Variants in NRXN1 observed in about 807,000 individuals in gnomAD.
NRXN1 encodes neurexin 1, also known as neurexin-1.
A neutral mutation model predicts 150.9 loss-of-function variants in NRXN1; 39 were observed. The observed-to-expected ratio is 0.26, with a 90% CI of 0.20 to 0.34. The LOEUF is 0.34. NRXN1 is among the 10% of genes least tolerant of loss of function. The pLI is 1.00. For missense variants in NRXN1, 1,815 were observed against 1,949.9 expected, an observed-to-expected ratio of 0.93 and a Z score of 1.30; for synonymous variants, 924 against 757.0, an observed-to-expected ratio of 1.22 and a Z score of -3.62.
At chr2:50,280,646 A>G (rs540786982) in intron 17 of NRXN1, among the ~76,000 whole-genome samples, 1 of 152,306 alleles carries the variant, frequency 6.6e-6, no homozygotes, top group South Asian at 2.1e-4. Context: ...ATGGCACATC[A>G]TAGGTAGTTA....
intron 17 of NRXN1, among the ~76,000 whole-genome samples, chr2:50,449,247 AAAAGT>A (rs1176162990): frequency 1.3e-5 from 2 of 152,240 alleles, no homozygotes; most frequent in Admixed American, 1.3e-4. Context: ...ACCAAAAAGT[AAAAGT>A]AATGTAAAAA....
At chr2:50,180,309 G>A (rs1338567143) in intron 18 of NRXN1, among the ~76,000 whole-genome samples, 1 of 152,140 alleles carries the variant, frequency 6.6e-6, no homozygotes, top group Non-Finnish European at 1.5e-5. Flanking sequence ...ACAGGGGTGA[G>A]CCACTGTGCC....
chr2:50,166,433 C>A (rs908618828), intron 18 of NRXN1, among the ~76,000 whole-genome samples: 5 of 151,902 alleles, frequency 3.3e-5, no homozygotes, highest in African/African-American at 1.2e-4. Flanking sequence ...GAACTGAATA[C>A]TGGTAACATT....
At chr2:50,594,879 T>A (rs573614044) in intron 8 of NRXN1, among the ~76,000 whole-genome samples, 2 of 152,174 alleles carry the variant, frequency 1.3e-5, no homozygotes, top group African/African-American at 4.8e-5. Context: ...TCAGGGCTAA[T>A]CACTCCACGA....
chr2:50,378,868 C>G (rs2080723973), intron 17 of NRXN1, among the ~76,000 whole-genome samples: 1 of 152,136 alleles, frequency 6.6e-6, no homozygotes, highest in African/African-American at 2.4e-5. Context: ...ATAAAGCAAT[C>G]TGACTTCACA....
intron 5 of NRXN1, among the ~76,000 whole-genome samples, chr2:50,628,410 C>T (rs1681578078): frequency 6.6e-6 from 1 of 151,650 alleles, no homozygotes; most frequent in African/African-American, 2.4e-5. Flanking sequence ...TATGCAATTA[C>T]CTTAAAATGC....
chr2:50,914,384 C>A (rs1409100749), intron 5 of NRXN1, among the ~76,000 whole-genome samples: 1 of 151,634 alleles, frequency 6.6e-6, no homozygotes, highest in Non-Finnish European at 1.5e-5. Flanking sequence ...CCAAAAGATC[C>A]TTCCTGAAAA....
At chr2:50,980,037 G>A (rs986798368) in intron 2 of NRXN1, among the ~76,000 whole-genome samples, 3 of 152,044 alleles carry the variant, frequency 2.0e-5, no homozygotes, top group South Asian at 2.1e-4. Flanking sequence ...ACCACAAACC[G>A]TGTTTAACCT....
intron 5 of NRXN1, among the ~76,000 whole-genome samples, chr2:50,844,073 C>A (rs1185178756): frequency 1.3e-5 from 2 of 152,146 alleles, no homozygotes; most frequent in Non-Finnish European, 2.9e-5. Context: ...CCTGTCCAAA[C>A]CCAAAGAATG....
intron 5 of NRXN1, among the ~76,000 whole-genome samples, chr2:50,894,096 G>T (rs1296623407): frequency 2.0e-5 from 3 of 151,876 alleles, no homozygotes; most frequent in Non-Finnish European, 2.9e-5. Context: ...TTGTGGGTTG[G>T]GGGGAGGGGG....
At chr2:50,747,982 C>A (rs1047862839) in intron 5 of NRXN1, among the ~76,000 whole-genome samples, 1 of 152,112 alleles carries the variant, frequency 6.6e-6, no homozygotes, top group Non-Finnish European at 1.5e-5. Context: ...CTGCTATGAC[C>A]AGCAGTCTCT....
chr2:50,041,341 T>TA (rs1690917177), intron 21 of NRXN1, among the ~76,000 whole-genome samples: 1 of 152,214 alleles, frequency 6.6e-6, no homozygotes, highest in African/African-American at 2.4e-5. Context: ...GCAATGAGTG[T>TA]CTTTTAAAAA....
intron 5 of NRXN1, among the ~76,000 whole-genome samples, chr2:50,769,582 A>G (rs921312927): frequency 7.9e-5 from 12 of 152,088 alleles, no homozygotes; most frequent in Non-Finnish European, 1.5e-5. Context: ...TTCTAGGTTT[A>G]GAGACATTAG....
At chr2:49,985,826 A>C (rs189606216) in intron 21 of NRXN1, among the ~76,000 whole-genome samples, 45 of 152,320 alleles carry the variant, frequency 3.0e-4, no homozygotes, top group South Asian at 1.0e-3. Flanking sequence ...TTTACAACAA[A>C]AAAAAAATAT....
intron 17 of NRXN1, among the ~76,000 whole-genome samples, chr2:50,329,184 A>G (rs1291711138): frequency 6.6e-6 from 1 of 152,230 alleles, no homozygotes; most frequent in Non-Finnish European, 1.5e-5. Context: ...AAAAAGGGCT[A>G]ACAACATCAA....
chr2:50,975,004 A>T (rs1398744086), intron 2 of NRXN1, among the ~76,000 whole-genome samples: 1 of 151,916 alleles, frequency 6.6e-6, no homozygotes, highest in African/African-American at 2.4e-5. Flanking sequence ...GGTTCCCAAA[A>T]TGTGGTTCCA....
At chr2:50,517,080 T>C (rs1465230826) in intron 12 of NRXN1, among the ~76,000 whole-genome samples, 1 of 152,208 alleles carries the variant, frequency 6.6e-6, no homozygotes, top group African/African-American at 2.4e-5. Flanking sequence ...ACCTTCTTAC[T>C]TTCTGCATGC....
chr2:51,006,066 G>A (rs747812516), intron 2 of NRXN1, among the ~76,000 whole-genome samples: 7 of 151,518 alleles, frequency 4.6e-5, no homozygotes, highest in Non-Finnish European at 7.4e-5. Flanking sequence ...TGGATTTCTC[G>A]GTATGATAGA....
chr2:50,399,157 G>A (rs2082235822), intron 17 of NRXN1, among the ~76,000 whole-genome samples: 1 of 152,142 alleles, frequency 6.6e-6, no homozygotes, highest in African/African-American at 2.4e-5. Context: ...AAGGGCTTTA[G>A]TAATTTTTTA....
Sources: gnomAD v4.1 joint callset for allele counts (sites outside exome capture counted in the v4.1 genomes callset) on GRCh38, gnomAD v4.1.1 for gene constraint, MANE v1.5 for transcripts, NCBI Gene and HGNC (gene_info 2026-07-23, HGNC 2026-07-21) for gene names.